The following MINDY3 variants were observed in gnomAD, a reference collection of about 807,000 sequenced individuals.
The protein encoded by MINDY3 is MINDY lysine 48 deubiquitinase 3.
MINDY3 carries 38 observed loss-of-function variants against 69.2 expected under a neutral mutation model. The observed-to-expected ratio is 0.55, with a 90% CI of 0.42 to 0.72. The LOEUF (loss-of-function observed/expected upper bound fraction) is 0.72, where lower values mean the gene tolerates loss of function less well. MINDY3 is among the 30% of genes least tolerant of loss of function. MINDY3 has a pLI of 0.00. For missense variants in MINDY3, 522 were observed against 519.0 expected, an observed-to-expected ratio of 1.01 and a Z score of -0.06; for synonymous variants, 192 against 180.1, an observed-to-expected ratio of 1.07 and a Z score of -0.53.
chr10:15,799,097 T>C (rs1336398631), intron 10 of MINDY3, among the ~76,000 whole-genome samples: 1 of 152,144 alleles, frequency 6.6e-6, no homozygotes, highest in African/African-American at 2.4e-5. Context: ...TATGTTCCAA[T>C]AAAACTTTAC....
At chr10:15,810,262 C>T (rs981063927) in intron 10 of MINDY3, among the ~76,000 whole-genome samples, 1 of 152,044 alleles carries the variant, frequency 6.6e-6, no homozygotes, top group South Asian at 2.1e-4. Context: ...ACTTTAAGTC[C>T]TAAAAGTAAA....
At chr10:15,810,731 A>G (rs1325528295) in intron 10 of MINDY3, among the ~76,000 whole-genome samples, 1 of 152,206 alleles carries the variant, frequency 6.6e-6, no homozygotes, top group African/African-American at 2.4e-5. Flanking sequence ...GACAAAACAC[A>G]AAAATCCTGC....
chr10:15,845,811 T>G (rs1377702214), intron 2 of MINDY3, among the ~76,000 whole-genome samples: 1 of 133,780 alleles, frequency 7.5e-6, no homozygotes, highest in Admixed American at 7.6e-5. Context: ...CTGGCCTATG[T>G]GATTTTTTTT....
intron 10 of MINDY3, among the ~76,000 whole-genome samples, chr10:15,815,667 G>T (rs1051447227): frequency 1.3e-5 from 2 of 151,976 alleles, no homozygotes; most frequent in South Asian, 4.2e-4. Context: ...TACTAAAAAT[G>T]ATGATGATGA....
intron 13 of MINDY3, 122 bp downstream of exon 13, chr10:15,786,439 G>A (rs773446092): frequency 1.8e-5 from 12 of 666,702 alleles, no homozygotes; most frequent in African/African-American, 9.1e-5. Context: ...TCCATGTAAC[G>A]GTGTTTTCTC....
intron 2 of MINDY3, among the ~76,000 whole-genome samples, chr10:15,847,522 G>A (rs1419953343): frequency 1.3e-5 from 2 of 152,016 alleles, no homozygotes; most frequent in Admixed American, 1.3e-4. Context: ...AATGAAAATA[G>A]TACAATTACA....
intron 9 of MINDY3, among the ~76,000 whole-genome samples, chr10:15,820,518 G>T (rs539533555): frequency 1.3e-5 from 2 of 152,268 alleles, no homozygotes; most frequent in East Asian, 1.9e-4. Context: ...GTGTTAGGGG[G>T]AAGGGGACAC....
rs971566794 is a variant in MINDY3, at chr10:15,860,413, G to T, written c.-114C>A. 51 of 777,896 alleles carry T rather than the reference G, an allele frequency of 6.6e-5. No homozygotes were observed. Among genetic ancestry groups the T allele is most frequent in the Non-Finnish European group, 1.0e-4 (45 of 451,884 alleles). The allele number at this position is 777,896 out of a possible 1,614,324, so 48.2% of individuals were successfully genotyped here. A position where few individuals can be genotyped will look rare whatever the true frequency, so the allele number is the denominator to read the frequency against. On this transcript the variant is annotated 5_prime_UTR_variant, in exon 1 of 15. Coordinates refer to ENST00000277632, the MANE Select transcript of MINDY3 (RefSeq NM_024948.4). ...ACGGCGGCGGCAAACGAATTGGAAG[G>T]TGAGGCAGGAAAGAAGAAGGGGCTG...
At chr10:15,782,477 A>ATT in intron 13 of MINDY3, 2 of 366,080 alleles carry the variant, frequency 5.5e-6, no homozygotes, top group African/African-American at 4.3e-5. Context: ...GAACTAACTT[A>ATT]TTTTTTTTTT....
intron 1 of MINDY3, among the ~76,000 whole-genome samples, chr10:15,856,754 A>C (rs1330328178): frequency 2.0e-5 from 3 of 152,148 alleles, no homozygotes; most frequent in African/African-American, 7.2e-5. Context: ...ATAAATTCCA[A>C]ATAAGTCAAA....
At chr10:15,801,158 A>T (rs529499108) in intron 10 of MINDY3, among the ~76,000 whole-genome samples, 19 of 152,292 alleles carry the variant, frequency 1.2e-4, no homozygotes, top group African/African-American at 4.3e-4. Flanking sequence ...TTTAATGTGG[A>T]CAAAGGTGTC....
chr10:15,859,369 T>A (rs976517010), intron 1 of MINDY3, among the ~76,000 whole-genome samples: 2 of 152,154 alleles, frequency 1.3e-5, no homozygotes, highest in Non-Finnish European at 2.9e-5. Flanking sequence ...TGACTCAAGG[T>A]TATGTTTTAA....
chr10:15,817,002 A>T (rs1194272484), intron 9 of MINDY3, 87 bp from the exon 10 acceptor site: 3 of 974,194 alleles, frequency 3.1e-6, no homozygotes, highest in Non-Finnish European at 4.8e-6. Context: ...TGAAGCATAA[A>T]GTGTCCAATT....
At chr10:15,828,927 T>G (rs1046432633) in intron 8 of MINDY3, among the ~76,000 whole-genome samples, 6 of 152,200 alleles carry the variant, frequency 3.9e-5, no homozygotes, top group Admixed American at 3.9e-4. Flanking sequence ...CTGCTTTACC[T>G]CTCTAGGCTT....
intron 1 of MINDY3, among the ~76,000 whole-genome samples, chr10:15,856,765 A>G (rs1834719866): frequency 6.6e-6 from 1 of 152,244 alleles, no homozygotes; most frequent in East Asian, 1.9e-4. Flanking sequence ...ATAAGTCAAA[A>G]TGTTTTTATT....
chr10:15,824,333 ATTGTGGTTT>A (rs1839954018), intron 8 of MINDY3, among the ~76,000 whole-genome samples: 1 of 152,002 alleles, frequency 6.6e-6, no homozygotes, highest in African/African-American at 2.4e-5. Context: ...ATGACATCTC[ATTGTGGTTT>A]TGATTTGTAG....
chr10:15,831,537 G>A (rs1048135484), intron 8 of MINDY3, among the ~76,000 whole-genome samples: 16 of 152,184 alleles, frequency 1.1e-4, no homozygotes, highest in Admixed American at 1.3e-4. Flanking sequence ...CAAGATGACA[G>A]CCTTGAAAAG....
chr10:15,840,610 G>A (rs1178786378), intron 4 of MINDY3, among the ~76,000 whole-genome samples: 1 of 151,632 alleles, frequency 6.6e-6, no homozygotes. Context: ...CCACAAAGAT[G>A]ATAGTTAATG....
At chr10:15,804,669 C>A (rs908373716) in intron 10 of MINDY3, among the ~76,000 whole-genome samples, 52 of 152,078 alleles carry the variant, frequency 3.4e-4, no homozygotes, top group African/African-American at 1.2e-3. Context: ...GTATAATTTA[C>A]CTTTAAGCAA....
Sources: allele counts gnomAD v4.1 joint callset (sites outside exome capture counted in the v4.1 genomes callset), GRCh38; gene constraint gnomAD v4.1.1; transcripts MANE v1.5; gene names NCBI Gene and HGNC (gene_info 2026-07-23, HGNC 2026-07-21).